The following SNX25 variants were observed in gnomAD, a reference collection of about 807,000 sequenced individuals.
The protein encoded by SNX25 is sorting nexin-25.
In SNX25, 62 loss-of-function variants were observed where a neutral mutation model predicts 113.7. That is an observed-to-expected ratio of 0.55 (90% CI 0.44 to 0.67). The LOEUF is 0.67. Among genes scored for constraint, SNX25 ranks in the 30% least tolerant of loss-of-function variants. The pLI is 0.00. For synonymous variants in SNX25, 421 were observed against 436.2 expected (o/e 0.97, Z 0.43); for missense variants, 1,014 against 1,161.0 (o/e 0.87, Z 1.84).
intron 12 of SNX25, among the ~76,000 whole-genome samples, chr4:185,343,540 G>A (rs944505039): frequency 1.3e-5 from 2 of 152,186 alleles, no homozygotes; most frequent in African/African-American, 4.8e-5. Flanking sequence ...GAGGGAAACC[G>A]ATCCCAGAGC....
downstream of SNX25, among the ~76,000 whole-genome samples, chr4:185,374,976 C>T (rs903189822): frequency 2.0e-5 from 3 of 152,194 alleles, no homozygotes; most frequent in Middle Eastern, 3.4e-3. Context: ...ACATCTGCTA[C>T]GTGGTCACAA....
intron 5 of SNX25, among the ~76,000 whole-genome samples, chr4:185,282,015 CAAAAT>C (rs1399771668): frequency 6.6e-6 from 1 of 152,020 alleles, no homozygotes; most frequent in Non-Finnish European, 1.5e-5. Flanking sequence ...GACTCCATCT[CAAAAT>C]AAATAAATAA....
intron 6 of SNX25, among the ~76,000 whole-genome samples, chr4:185,290,101 A>T (rs923377897): frequency 6.6e-6 from 1 of 152,112 alleles, no homozygotes; most frequent in Non-Finnish European, 1.5e-5. Context: ...TCTTACAAGG[A>T]TGCCAGTCAT....
intron 5 of SNX25, among the ~76,000 whole-genome samples, 191 bp from the exon 6 acceptor site, chr4:185,287,821 A>AG (rs34265529): frequency 0.43 from 64,875 of 151,876 alleles, 13,990 homozygotes; most frequent in East Asian, 0.53. Flanking sequence ...GGGCCTCAGA[A>AG]TGACTAGCGC....
At chr4:185,227,025 G>T (rs187932455) in intron 1 of SNX25, among the ~76,000 whole-genome samples, 1 of 152,324 alleles carries the variant, frequency 6.6e-6, no homozygotes, top group Non-Finnish European at 1.5e-5. Flanking sequence ...TTTTAGCCCC[G>T]TGAGTCGGAA....
At chr4:185,219,358 G>GACC (rs1739420792) in intron 1 of SNX25, among the ~76,000 whole-genome samples, 1 of 152,154 alleles carries the variant, frequency 6.6e-6, no homozygotes. Flanking sequence ...AGGAGATCAA[G>GACC]ACCATCCTGA....
chr4:185,366,348 C>G (rs1381549752), downstream of SNX25: 1 of 152,164 alleles, frequency 6.6e-6, no homozygotes, highest in East Asian at 1.9e-4. Context: ...CACAAAGAAA[C>G]AATTTGCTTT....
At chr4:185,224,501 A>C (rs1384739176) in intron 1 of SNX25, among the ~76,000 whole-genome samples, 4 of 111,786 alleles carry the variant, frequency 3.6e-5, no homozygotes, top group Non-Finnish European at 6.2e-5. Flanking sequence ...ATAGATATAT[A>C]AATATATAGA....
chr4:185,251,284 C>T (rs752593106), intron 2 of SNX25, among the ~76,000 whole-genome samples: 43 of 152,276 alleles, frequency 2.8e-4, no homozygotes, highest in Admixed American at 9.2e-4. Context: ...CATGAGCCCC[C>T]GCACCCGGCC....
chr4:185,206,653 CTT>C (rs1226524687), upstream of SNX25, among the ~76,000 whole-genome samples: 1 of 84,578 alleles, frequency 1.2e-5, no homozygotes, highest in African/African-American at 4.5e-5. Flanking sequence ...GAGCGAAACT[CTT>C]GTCTCAAAAA....
chr4:185,208,777 T>C (rs949071564), upstream of SNX25, among the ~76,000 whole-genome samples: 1 of 152,184 alleles, frequency 6.6e-6, no homozygotes, highest in Admixed American at 6.5e-5. Context: ...TGAATACCAA[T>C]TGATACTAAA....
intron 12 of SNX25, 110 bp downstream of exon 12, chr4:185,342,226 C>T: frequency 7.9e-7 from 1 of 1,262,308 alleles, no homozygotes; most frequent in Non-Finnish European, 1.0e-6. Flanking sequence ...GATACTGGCA[C>T]AGTGGCATTT....
intron 2 of SNX25, among the ~76,000 whole-genome samples, chr4:185,258,294 A>G (rs763189135): frequency 4.6e-5 from 7 of 152,188 alleles, no homozygotes; most frequent in Admixed American, 3.3e-4. Context: ...GGTGAACACC[A>G]TCGGGTGCCA....
intron 1 of SNX25, among the ~76,000 whole-genome samples, chr4:185,218,964 C>T (rs1451785158): frequency 6.6e-6 from 1 of 152,136 alleles, no homozygotes; most frequent in Non-Finnish European, 1.5e-5. Flanking sequence ...CTTGCTCTGC[C>T]ACCCCATCAG....
At chr4:185,373,055 A>C (rs202164058), downstream of SNX25, 22 of 1,607,418 alleles carry the variant, frequency 1.4e-5, no homozygotes, top group East Asian at 4.7e-4. Context: ...CCATTGCCAC[A>C]TGCTTCGGAA....
At chr4:185,377,186 C>A in the SNX25 span, 1 of 610,230 alleles carries the variant, frequency 1.6e-6, no homozygotes. Flanking sequence ...CCTGAAAAAA[C>A]GTCATGGTCA....
chr4:185,335,355 CACAACAAA>C (rs2095222958), intron 10 of SNX25, among the ~76,000 whole-genome samples: 1 of 147,330 alleles, frequency 6.8e-6, no homozygotes, highest in South Asian at 2.1e-4. Flanking sequence ...CACACACACA[CACAACAAA>C]AACAAAAAAC....
intron 3 of SNX25, among the ~76,000 whole-genome samples, chr4:185,261,193 T>G (rs1318425707): frequency 6.6e-6 from 1 of 152,006 alleles, no homozygotes; most frequent in Admixed American, 6.6e-5. Context: ...TTTATTTTTA[T>G]TTTTTCAGAC....
Position 185,233,865 on chromosome 4 carries a change from A to G in SNX25, c.430-13429A>G, listed in dbSNP as rs1311314102. Among the ~76,000 whole-genome samples the G allele has an allele frequency of 2.6e-5, 4 of 151,678 alleles. No homozygotes were observed. The East Asian group carries it at 7.7e-4, about 29-fold the overall frequency. On this transcript the variant is annotated intron_variant, in intron 1 of 18. Transcript: ENST00000652585. The stretch of plus-strand genomic sequence containing the variant: ...GAAAAACAACTTAAGTGTTATTATT[A>G]TTATTATTTTTAGATGGAGTGTGGC...
Sources: allele counts gnomAD v4.1 joint callset (sites outside exome capture counted in the v4.1 genomes callset), GRCh38; gene constraint gnomAD v4.1.1; transcripts MANE v1.5; gene names NCBI Gene and HGNC (gene_info 2026-07-23, HGNC 2026-07-21).